The following DPP6 variants were observed in gnomAD, a reference collection of about 807,000 sequenced individuals.
DPP6 encodes A-type potassium channel modulatory protein DPP6.
Under a neutral mutation model 122.6 loss-of-function variants are expected in DPP6, and 69 were observed. The observed-to-expected ratio is 0.56, with a 90% CI of 0.46 to 0.69. The LOEUF (loss-of-function observed/expected upper bound fraction) is 0.69. Among genes scored for constraint, DPP6 ranks in the 30% least tolerant of loss-of-function variants. The probability of loss-of-function intolerance (pLI) is 0.00; values close to 1 mark genes in which losing one functional copy is unlikely to be tolerated. For synonymous variants in DPP6, 418 were observed against 433.1 expected (o/e 0.97, Z 0.43); for missense variants, 928 against 1,116.9 (o/e 0.83, Z 2.41).
the DPP6 span, among the ~76,000 whole-genome samples, chr7:153,846,443 G>A: frequency 1.1e-4 from 17 of 151,780 alleles, 1 homozygote; most frequent in Admixed American, 9.8e-4. Context: ...GTTTTTGATG[G>A]ACAAAGGTTT....
At chr7:154,433,876 A>C (rs557580318) in intron 1 of DPP6, among the ~76,000 whole-genome samples, 1 of 152,184 alleles carries the variant, frequency 6.6e-6, no homozygotes, top group Non-Finnish European at 1.5e-5. Flanking sequence ...CTTTAGGCCT[A>C]CACGTTCTTT....
intron 1 of DPP6, among the ~76,000 whole-genome samples, chr7:154,281,912 A>G (rs541221534): frequency 1.3e-5 from 2 of 152,298 alleles, no homozygotes; most frequent in East Asian, 1.9e-4. Flanking sequence ...AGCCTCTCCC[A>G]GATGCTCAGC....
chr7:154,491,557 G>T (rs190768714), intron 3 of DPP6, among the ~76,000 whole-genome samples: 1 of 152,074 alleles, frequency 6.6e-6, no homozygotes, highest in African/African-American at 2.4e-5. Context: ...CCTACAATTC[G>T]TCCAGAATCC....
rs1799785478 is a variant in DPP6, at chr7:154,821,653, T to TATATATATATATATATATACACAC, written c.1666+14552_1666+14553insTATATATACACACATATATATATA. 9.3e-6 allele frequency among the ~76,000 whole-genome samples: 1 copy of TATATATATATATATATATACACAC among 107,094 alleles called. No homozygotes were observed. Among genetic ancestry groups the TATATATATATATATATATACACAC allele is most frequent in the African/African-American group, 3.4e-5 (1 of 29,614 alleles). 70.3% of individuals were successfully genotyped at this position (107,094 alleles called of 152,430 possible). ...GTATATATATATATATATACACATA[T>TATATATATATATATATATACACAC]ATATATATATACACATATATATATA... On this transcript the variant is annotated intron_variant, in intron 16 of 25. Transcript: ENST00000377770. This position sits in a 1 kb window ranked among gnomAD's most constrained non-coding sequence, Gnocchi z 4.2.
the DPP6 span, among the ~76,000 whole-genome samples, chr7:153,807,777 C>T: frequency 6.6e-6 from 1 of 151,902 alleles, no homozygotes; most frequent in Non-Finnish European, 1.5e-5. Context: ...AAATACCTTC[C>T]GCCTTTGCCT....
At chr7:154,209,407 C>T (rs566316337) in intron 1 of DPP6, among the ~76,000 whole-genome samples, 1 of 152,250 alleles carries the variant, frequency 6.6e-6, no homozygotes, top group Middle Eastern at 3.4e-3. Flanking sequence ...TCCTTTGTGC[C>T]TCTCATTATC....
intron 1 of DPP6, among the ~76,000 whole-genome samples, chr7:154,110,967 A>C (rs1241533378): frequency 6.6e-6 from 1 of 152,122 alleles, no homozygotes; most frequent in Non-Finnish European, 1.5e-5. Flanking sequence ...AGGAGGGTGC[A>C]TGTAAGGCAG....
At chr7:154,522,034 G>A (rs1247150544) in intron 3 of DPP6, among the ~76,000 whole-genome samples, 2 of 151,894 alleles carry the variant, frequency 1.3e-5, no homozygotes, top group Non-Finnish European at 2.9e-5. Flanking sequence ...GCGCGATCTC[G>A]GCTACTGCAA....
intron 1 of DPP6, among the ~76,000 whole-genome samples, chr7:154,337,267 C>T (rs1362122181): frequency 6.6e-6 from 1 of 152,080 alleles, no homozygotes; most frequent in Non-Finnish European, 1.5e-5. Flanking sequence ...GTGCAAATGC[C>T]CCCGGCCAGG....
At chr7:154,588,201 G>T in intron 5 of DPP6, 1 of 1,470,758 alleles carries the variant, frequency 6.8e-7, no homozygotes, top group Non-Finnish European at 9.0e-7. Context: ...GTCACTGGGT[G>T]CCCGCAGAGT....
chr7:154,647,362 A>C (rs932327810), intron 6 of DPP6, among the ~76,000 whole-genome samples: 2 of 152,246 alleles, frequency 1.3e-5, no homozygotes, highest in Non-Finnish European at 1.5e-5. Flanking sequence ...TGAATATGCC[A>C]GTAAAGTTTC....
intron 1 of DPP6, among the ~76,000 whole-genome samples, chr7:154,369,343 T>A (rs1393972444): frequency 6.6e-6 from 1 of 152,060 alleles, no homozygotes; most frequent in African/African-American, 2.4e-5. Context: ...GTTGCTGAAG[T>A]TTGTAACTAA....
At chr7:153,803,841 A>G in the DPP6 span, among the ~76,000 whole-genome samples, 1 of 148,148 alleles carries the variant, frequency 6.8e-6, no homozygotes, top group Non-Finnish European at 1.5e-5. Context: ...GTATGTGTAC[A>G]TACACACACA....
intron 4 of DPP6, among the ~76,000 whole-genome samples, chr7:154,542,829 T>A (rs745490607): frequency 2.0e-5 from 3 of 152,212 alleles, no homozygotes; most frequent in Admixed American, 6.5e-5. Flanking sequence ...TGCATCCTAA[T>A]TTAATTTAAT....
chr7:153,966,145 T>C (rs11763912), intron 1 of DPP6, among the ~76,000 whole-genome samples: 17,062 of 84,910 alleles, frequency 0.2, 2,978 homozygotes, highest in Middle Eastern at 0.36. Flanking sequence ...GCGACCCCTC[T>C]CGTGGCGTTG....
At chr7:154,503,877 C>T (rs937688918) in intron 3 of DPP6, among the ~76,000 whole-genome samples, 8 of 152,164 alleles carry the variant, frequency 5.3e-5, no homozygotes, top group Non-Finnish European at 1.0e-4. Flanking sequence ...ATGGGTTGAT[C>T]TGTGCAGCAA....
chr7:154,159,580 C>T (rs536943981), intron 1 of DPP6, among the ~76,000 whole-genome samples: 1 of 152,236 alleles, frequency 6.6e-6, no homozygotes, highest in African/African-American at 2.4e-5. Context: ...AAGAATTACT[C>T]TCTCCTCTCA....
intron 8 of DPP6, among the ~76,000 whole-genome samples, chr7:154,738,072 G>C (rs1395617713): frequency 6.6e-6 from 1 of 152,252 alleles, no homozygotes; most frequent in African/African-American, 2.4e-5. Context: ...GTCCGGTGAA[G>C]GTCAACTTTC....
chr7:153,844,929 CA>C, the DPP6 span, among the ~76,000 whole-genome samples: 1 of 152,248 alleles, frequency 6.6e-6, no homozygotes, highest in East Asian at 1.9e-4. Context: ...ATGCATCCTT[CA>C]ATGTTGCTGT....
Sources: gnomAD v4.1 joint callset for allele counts (sites outside exome capture counted in the v4.1 genomes callset) on GRCh38, gnomAD v4.1.1 for gene constraint, Gnocchi (gnomAD v3.1) non-coding constraint, MANE v1.5 for transcripts, NCBI Gene and HGNC (gene_info 2026-07-23, HGNC 2026-07-21) for gene names.